EPB41L5: variants seen among roughly 807,000 people sequenced by gnomAD.
The protein encoded by EPB41L5 is band 4.1-like protein 5.
In EPB41L5, 55 loss-of-function variants were observed where a neutral mutation model predicts 106.6. The ratio of observed to expected loss-of-function variants is 0.52; its 90% CI spans 0.42 to 0.65. The LOEUF (loss-of-function observed/expected upper bound fraction) is 0.65. EPB41L5 is among the 30% of genes least tolerant of loss of function. EPB41L5 has a pLI of 0.00. For synonymous variants in EPB41L5, 297 were observed against 306.7 expected (o/e 0.97, Z 0.33); for missense variants, 871 against 882.1 (o/e 0.99, Z 0.16).
intron 20 of EPB41L5, among the ~76,000 whole-genome samples, chr2:120,156,729 A>G (rs957152410): frequency 1.3e-5 from 2 of 152,186 alleles, no homozygotes; most frequent in African/African-American, 4.8e-5. Context: ...CAGTTCAACA[A>G]GAAGAACTAA....
At chr2:120,139,406 A>G (rs1199443447) in intron 18 of EPB41L5, among the ~76,000 whole-genome samples, 1 of 152,130 alleles carries the variant, frequency 6.6e-6, no homozygotes, top group South Asian at 2.1e-4. Context: ...AGAATGGTAG[A>G]AAATATCTGC....
chr2:120,143,403 C>G (rs1686268981), intron 19 of EPB41L5, among the ~76,000 whole-genome samples: 1 of 152,088 alleles, frequency 6.6e-6, no homozygotes, highest in Non-Finnish European at 1.5e-5. Flanking sequence ...CTAGGTCTGT[C>G]TTTATCCATC....
intron 1 of EPB41L5, among the ~76,000 whole-genome samples, chr2:120,014,672 A>G (rs1489608965): frequency 2.0e-5 from 3 of 152,200 alleles, no homozygotes; most frequent in Non-Finnish European, 4.4e-5. Context: ...AAGAGAGGTC[A>G]ACTGGAAAAA....
intron 3 of EPB41L5, among the ~76,000 whole-genome samples, chr2:120,042,899 T>TA (rs1248990422): frequency 6.6e-6 from 1 of 152,044 alleles, no homozygotes; most frequent in Non-Finnish European, 1.5e-5. Flanking sequence ...ACAAATACTT[T>TA]AGGATAAAAG....
intron 2 of EPB41L5, among the ~76,000 whole-genome samples, chr2:120,025,879 A>G (rs935603989): frequency 1.3e-5 from 2 of 152,234 alleles, no homozygotes; most frequent in African/African-American, 2.4e-5. Context: ...TTCCAATTCT[A>G]AGACTTACTA....
intron 3 of EPB41L5, among the ~76,000 whole-genome samples, chr2:120,066,587 C>G (rs1681456964): frequency 6.6e-6 from 1 of 152,136 alleles, no homozygotes; most frequent in African/African-American, 2.4e-5. Context: ...TACACACATC[C>G]ATAATGATTT....
intron 20 of EPB41L5, among the ~76,000 whole-genome samples, chr2:120,155,471 C>G (rs1686861457): frequency 6.6e-6 from 1 of 151,986 alleles, no homozygotes; most frequent in Non-Finnish European, 1.5e-5. Context: ...ATTAATATGT[C>G]TGTTGGGGAT....
At chr2:120,080,772 G>C (rs968416284) in intron 10 of EPB41L5, among the ~76,000 whole-genome samples, 1 of 152,192 alleles carries the variant, frequency 6.6e-6, no homozygotes, top group African/African-American at 2.4e-5. Context: ...AGCACCTTCT[G>C]TTTCCTGACT....
At position 120,048,853 on chromosome 2, in the gene EPB41L5, C is replaced by G. The variant is rs559150257; in HGVS notation, c.285+6743C>G. On this transcript the variant is annotated intron_variant, in intron 3 of 24. Transcript: ENST00000263713. ...CTGCTTTAAATGGGTCCCAGAGATTCTGGTATGTTGTGTCTTTGTTCTCAT... is the reference window on the plus strand; with the variant it reads ...CTGCTTTAAATGGGTCCCAGAGATTGTGGTATGTTGTGTCTTTGTTCTCAT... 1.5e-3 allele frequency among the ~76,000 whole-genome samples: 234 copies of G among 152,258 alleles called. 1 individual carries two copies. Among genetic ancestry groups the G allele is most frequent in the Non-Finnish European group, 1.4e-3 (94 of 68,024 alleles).
At chr2:120,156,507 T>C (rs1396718926) in intron 20 of EPB41L5, among the ~76,000 whole-genome samples, 1 of 152,162 alleles carries the variant, frequency 6.6e-6, no homozygotes, top group Admixed American at 6.5e-5. Flanking sequence ...CACCCTGCCC[T>C]GCCACTGCTG....
chr2:120,145,007 G>C (rs1174908817), intron 19 of EPB41L5, among the ~76,000 whole-genome samples: 1 of 152,178 alleles, frequency 6.6e-6, no homozygotes, highest in African/African-American at 2.4e-5. Flanking sequence ...TTGATAAAGA[G>C]CATTTATGAA....
intron 19 of EPB41L5, among the ~76,000 whole-genome samples, chr2:120,143,799 C>G (rs1006122461): frequency 5.3e-5 from 8 of 152,084 alleles, no homozygotes; most frequent in Admixed American, 4.6e-4. Flanking sequence ...AGAATATAAA[C>G]ATGTTTTACA....
intron 17 of EPB41L5, among the ~76,000 whole-genome samples, chr2:120,131,401 T>C (rs1038202017): frequency 2.0e-5 from 3 of 152,174 alleles, no homozygotes; most frequent in African/African-American, 7.2e-5. Context: ...GCTGCAGATA[T>C]AGGGTGGTGT....
At chr2:120,021,145 A>G (rs972453176) in intron 2 of EPB41L5, among the ~76,000 whole-genome samples, 1 of 151,990 alleles carries the variant, frequency 6.6e-6, no homozygotes, top group Admixed American at 6.6e-5. Flanking sequence ...GTTCGAGACC[A>G]GCCTGGCCAA....
In EPB41L5 at chr2:120,077,109, A is replaced by C. The variant is rs562599701; in HGVS notation, c.626+18A>C. On this transcript the variant is annotated intron_variant, in intron 8 of 24. Coordinates refer to ENST00000263713, the MANE Select transcript of EPB41L5 (RefSeq NM_020909.4). ...GAATACAGGTATCTGGCGTTTGACC[A>C]TACTTTCTTTAAAATCACCACAACA... The C allele has an allele frequency of 1.9e-6, 3 of 1,605,572 alleles. No homozygotes were observed. Among genetic ancestry groups the C allele is most frequent in the Non-Finnish European group, 2.5e-6 (3 of 1,176,618 alleles).
rs1681993327 is a variant in EPB41L5, at chr2:120,073,163, G to A, written c.286-15G>A. On this transcript the variant is annotated splice_polypyrimidine_tract_variant and intron_variant, in intron 3 of 24. Transcript: ENST00000263713. ...CTGTCATCTGCTTAACTAAATTTTTGTTTTTGTTTTTCAGCATTGGTTGGA... is the reference window on the plus strand; with the variant it reads ...CTGTCATCTGCTTAACTAAATTTTTATTTTTGTTTTTCAGCATTGGTTGGA... The A allele has an allele frequency of 6.3e-7, 1 of 1,598,744 alleles. No homozygotes were observed. The highest frequency in any genetic ancestry group is 8.5e-7 in the Non-Finnish European group (1 of 1,176,244).
rs555966422 is a variant in EPB41L5 at position 120,178,855 on chromosome 2, G to A, written c.*3948G>A. On this transcript the variant is annotated 3_prime_UTR_variant, in exon 25 of 25. Coordinates refer to ENST00000263713, the MANE Select transcript of EPB41L5 (RefSeq NM_020909.4). ...CAGAGAGATTTTTTTTTATAGCACA[G>A]ATTCCTTTGCCCCTTTTATCTCCTT... 5 of 152,304 alleles carry A rather than the reference G, an allele frequency of 3.3e-5. No individual in the cohort carries two copies. The East Asian group carries it at 9.6e-4, about 29-fold the overall frequency. The allele number at this position is 152,304 out of a possible 1,614,324, so 9.4% of individuals were successfully genotyped here.
chr2:120,119,656 G>T (rs752776881), intron 16 of EPB41L5, among the ~76,000 whole-genome samples: 6 of 151,730 alleles, frequency 4.0e-5, no homozygotes, highest in Admixed American at 6.6e-5. Flanking sequence ...ACATGCCAAA[G>T]ATTTATTTAG....
intron 2 of EPB41L5, among the ~76,000 whole-genome samples, chr2:120,031,021 C>T (rs1256309786): frequency 6.6e-6 from 1 of 152,102 alleles, no homozygotes; most frequent in Non-Finnish European, 1.5e-5. Flanking sequence ...GGATTACAGG[C>T]GTCCGCCACC....
Sources: allele counts gnomAD v4.1 joint callset (sites outside exome capture counted in the v4.1 genomes callset), GRCh38; gene constraint gnomAD v4.1.1; transcripts MANE v1.5; gene names NCBI Gene and HGNC (gene_info 2026-07-23, HGNC 2026-07-21).